LINC00237: variants seen among roughly 807,000 people sequenced by gnomAD.
The protein encoded by LINC00237 is long intergenic non-protein coding RNA 237.
At chr20:21,097,949 T>C (rs1033868427) in intron 1 of LINC00237, among the ~76,000 whole-genome samples, 1 of 152,232 alleles carries the variant, frequency 6.6e-6, no homozygotes, top group African/African-American at 2.4e-5. Flanking sequence ...TCTGTAGCTT[T>C]ACTGACATAG....
intron 2 of LINC00237, among the ~76,000 whole-genome samples, chr20:21,091,902 C>A (rs1175608495): frequency 1.3e-5 from 2 of 152,140 alleles, no homozygotes; most frequent in Non-Finnish European, 2.9e-5. Flanking sequence ...TCCCAGATTT[C>A]TTTGGTATTT....
At chr20:21,097,456 T>G (rs2030874543) in intron 1 of LINC00237, among the ~76,000 whole-genome samples, 1 of 152,154 alleles carries the variant, frequency 6.6e-6, no homozygotes, top group Non-Finnish European at 1.5e-5. Context: ...TGTTCTTTTA[T>G]GTCAATTTAA....
At chr20:21,100,258 G>A (rs1306850440) in intron 1 of LINC00237, among the ~76,000 whole-genome samples, 2 of 152,224 alleles carry the variant, frequency 1.3e-5, no homozygotes, top group South Asian at 2.1e-4. Context: ...TACAGGGGGC[G>A]GAGGAATCTG....
rs762750572 is a variant in LINC00237, at chr20:21,094,477, G to A, written n.89-625C>T. 5.9e-5 allele frequency among the ~76,000 whole-genome samples: 9 copies of A among 152,226 alleles called. No individual in the cohort carries two copies. In the East Asian group the frequency reaches 1.7e-3, roughly 29 times the overall value. ...TAAGAAGTGCCCTAGGAGTTGAGGG[G>A]TGAGCATGGAAGACCCCCGTGGACT... On this transcript the variant is annotated intron_variant and non_coding_transcript_variant, in intron 1 of 3. Coordinates refer to ENST00000691244, the Ensembl canonical transcript of LINC00237.
intron 1 of LINC00237, among the ~76,000 whole-genome samples, chr20:21,103,873 A>G (rs2030964954): frequency 6.6e-6 from 1 of 152,204 alleles, no homozygotes. Context: ...GGACGGGGGT[A>G]TAAGACTAAC....
Position 21,101,645 on chromosome 20 carries a change from C to G in LINC00237, n.88+4626G>C, listed in dbSNP as rs1440923911. The G allele has an allele frequency of 6.6e-6, 1 of 152,414 alleles. No homozygotes were observed. The allele number at this position is 152,414 out of a possible 1,614,324, so 9.4% of individuals were successfully genotyped here. A position where few individuals can be genotyped will look rare whatever the true frequency, so the allele number is the denominator to read the frequency against. On this transcript the variant is annotated intron_variant and non_coding_transcript_variant, in intron 1 of 3. Transcript: ENST00000691244. This position sits in a 1 kb window ranked among gnomAD's most constrained non-coding sequence, Gnocchi z 4.3. The stretch of plus-strand genomic sequence containing the variant: ...CCGGGTAGCTCCGCCCTTCCTTTTG[C>G]TCAGGCAGCTAACTTTGGAGCCGGG...
At chr20:21,099,554 T>C (rs1159413026) in intron 1 of LINC00237, among the ~76,000 whole-genome samples, 1 of 152,064 alleles carries the variant, frequency 6.6e-6, no homozygotes, top group Non-Finnish European at 1.5e-5. Context: ...GGTCTTCTCT[T>C]CCCCTTCAGG....
At chr20:21,086,622 T>TAC (rs1491171429) in intron 3 of LINC00237, among the ~76,000 whole-genome samples, 35 of 117,698 alleles carry the variant, frequency 3.0e-4, no homozygotes, top group African/African-American at 1.3e-3. Flanking sequence ...TATAGTATAC[T>TAC]ATATATAGTA....
At chr20:21,099,067 G>C (rs535781899) in intron 1 of LINC00237, among the ~76,000 whole-genome samples, 3 of 152,322 alleles carry the variant, frequency 2.0e-5, no homozygotes, top group Middle Eastern at 6.8e-3. Context: ...CATTCTACAA[G>C]TGCCTCCTTT....
At chr20:21,087,049 T>G (rs2030721833) in intron 3 of LINC00237, among the ~76,000 whole-genome samples, 1 of 147,094 alleles carries the variant, frequency 6.8e-6, no homozygotes, top group South Asian at 2.1e-4. Context: ...AGTACATATA[T>G]AGTATACATA....
At chr20:21,089,581 G>A (rs1027399217) in intron 2 of LINC00237, 10 of 152,130 alleles carry the variant, frequency 6.6e-5, no homozygotes, top group Non-Finnish European at 1.5e-4. Context: ...AGGAAGAATT[G>A]GGCTGGAGGG....
intron 1 of LINC00237, among the ~76,000 whole-genome samples, chr20:21,095,626 C>G (rs1054463585): frequency 3.3e-5 from 5 of 152,188 alleles, no homozygotes; most frequent in Admixed American, 2.0e-4. Context: ...AGGTTAGCAA[C>G]TAGAAGAATA....
At chr20:21,097,417 T>C (rs541404612) in intron 1 of LINC00237, among the ~76,000 whole-genome samples, 12 of 152,288 alleles carry the variant, frequency 7.9e-5, no homozygotes, top group African/African-American at 2.4e-4. Context: ...GAATTGTTTA[T>C]TGGAAAAATT....
chr20:21,099,124 T>G (rs1298953269), intron 1 of LINC00237, among the ~76,000 whole-genome samples: 1 of 152,228 alleles, frequency 6.6e-6, no homozygotes, highest in Admixed American at 6.5e-5. Flanking sequence ...TGAAAGGATG[T>G]GTGCCCTCTC....
intron 2 of LINC00237, among the ~76,000 whole-genome samples, chr20:21,090,877 T>C (rs1400182240): frequency 6.6e-6 from 1 of 152,214 alleles, no homozygotes; most frequent in African/African-American, 2.4e-5. Flanking sequence ...CGGAGATGCA[T>C]GACTACACTC....
At chr20:21,096,972 C>A (rs1293981776) in intron 1 of LINC00237, among the ~76,000 whole-genome samples, 2 of 152,184 alleles carry the variant, frequency 1.3e-5, no homozygotes, top group African/African-American at 4.8e-5. Flanking sequence ...CCATACAAAC[C>A]ACACAAATCA....
chr20:21,088,425 C>T (rs1208116466), intron 2 of LINC00237, among the ~76,000 whole-genome samples: 2 of 152,228 alleles, frequency 1.3e-5, no homozygotes, highest in Admixed American at 1.3e-4. Flanking sequence ...ACTCTCCACA[C>T]AAACGCTATA....
intron 1 of LINC00237, among the ~76,000 whole-genome samples, chr20:21,098,391 G>A (rs1239815183): frequency 6.6e-6 from 1 of 152,186 alleles, no homozygotes; most frequent in Non-Finnish European, 1.5e-5. Context: ...AATGCAAGAA[G>A]AAAATGTTGA....
chr20:21,091,944 T>C (rs2030799013), intron 2 of LINC00237, among the ~76,000 whole-genome samples: 1 of 152,230 alleles, frequency 6.6e-6, no homozygotes, highest in African/African-American at 2.4e-5. Flanking sequence ...GGTATTTTTT[T>C]TCTCTTTCCA....
Sources: gnomAD v4.1 joint callset for allele counts (sites outside exome capture counted in the v4.1 genomes callset) on GRCh38, gnomAD v4.1.1 for gene constraint, Gnocchi (gnomAD v3.1) non-coding constraint, MANE v1.5 for transcripts, NCBI Gene and HGNC (gene_info 2026-07-23, HGNC 2026-07-21) for gene names.